AMPD3: variants seen among roughly 807,000 people sequenced by gnomAD.
The protein encoded by AMPD3 is adenosine monophosphate deaminase 3.
In AMPD3, 57 loss-of-function variants were observed where a neutral mutation model predicts 82.3. That is an observed-to-expected ratio of 0.69 (90% CI 0.56 to 0.86). The LOEUF (loss-of-function observed/expected upper bound fraction) is 0.86. Ranked by LOEUF, AMPD3 falls within the 40% of genes least tolerant of loss-of-function variation. The pLI is 0.00. For missense variants in AMPD3, 870 were observed against 1,003.8 expected (o/e 0.87, Z 1.80); for synonymous variants, 381 against 394.7 (o/e 0.97, Z 0.41).
In AMPD3 at chr11:10,496,890, C is replaced by T. The variant is rs1479529261; in HGVS notation, c.1509C>T (p.Ala503=). 1 of 1,614,106 alleles carries T rather than the reference C, an allele frequency of 6.2e-7. No homozygotes were observed. The highest frequency in any genetic ancestry group is 1.1e-5 in the South Asian group (1 of 91,082). ...LENIFLPLFK[A]TINPQDHREL... is the part of the protein sequence containing the mutation. ...ACATCTTCCTGCCCCTTTTCAAGGC[C>T]ACTATCAACCCCCAAGATCATCGAG... The change falls in exon 10 of 15, where the codon GCC becomes GCT. Residue 503 remains alanine, a synonymous_variant. Coordinates refer to ENST00000396553, the MANE Select transcript of AMPD3 (RefSeq NM_001025389.2).
At position 10,495,603 on chromosome 11, in the gene AMPD3, C is replaced by G. The variant is rs765301994; in HGVS notation, c.1300C>G (p.Gln434Glu). Residue 434 changes from glutamine (Q) to glutamate (E), a missense_variant, in exon 9 of 15, where the codon CAG becomes GAG. Coordinates refer to ENST00000396553, the MANE Select transcript of AMPD3 (RefSeq NM_001025389.2). Reference protein sequence around the residue: ...VARELEESKYQYSEPRLSIYG... With the variant: ...VARELEESKYEYSEPRLSIYG... ...CCGGGAGCTGGAGGAGAGCAAGTAC[C>G]AGTACTCAGAGCCACGGCTCTCCAT... 6.2e-7 allele frequency: 1 copy of G among 1,613,474 alleles called. No homozygotes were observed. The highest frequency in any genetic ancestry group is 1.3e-5 in the African/African-American group (1 of 75,012).
intron 2 of AMPD3, chr11:10,477,929 C>T (rs952381311): frequency 1.3e-5 from 13 of 985,274 alleles, no homozygotes; most frequent in African/African-American, 3.5e-5. Context: ...GGATGGCGGT[C>T]GCTAGTCCAC....
At chr11:10,501,171 A>G (rs1405400946) in intron 11 of AMPD3, 1 of 985,308 alleles carries the variant, frequency 1.0e-6, no homozygotes, top group African/African-American at 1.7e-5. Context: ...CTGGAGTTCT[A>G]CGAATGCGGG....
intron 1 of AMPD3, 126 bp from the exon 2 acceptor site, chr11:10,461,389 G>A: frequency 6.3e-7 from 1 of 1,599,226 alleles, no homozygotes; most frequent in South Asian, 1.1e-5. Context: ...TTTGGTCTGG[G>A]GCATTCCTAA....
At position 10,456,197 on chromosome 11, in the gene AMPD3, A is replaced by T; in HGVS notation, c.-6+749A>T. The T allele has an allele frequency of 1.4e-6, 2 of 1,425,834 alleles. No individual in the cohort carries two copies. Among genetic ancestry groups the T allele is most frequent in the Non-Finnish European group, 9.2e-7 (1 of 1,091,452 alleles). The allele number at this position is 1,425,834 out of a possible 1,614,324, so 88.3% of individuals were successfully genotyped here. ...CACTCATATTTCATATTCACGAGAG[A>T]ATTTCCAGCCCAGGCTTTTCCTGCT... On this transcript the variant is annotated intron_variant, in intron 1 of 14. Transcript: ENST00000396553. The surrounding 1 kb of genome is among the most constrained non-coding windows in gnomAD (Gnocchi z 4.3).
chr11:10,456,288 C>T lies in AMPD3; in HGVS notation c.-6+840C>T. 1 of 1,591,520 alleles carries T rather than the reference C, an allele frequency of 6.3e-7. No individual in the cohort carries two copies. Among genetic ancestry groups the T allele is most frequent in the Non-Finnish European group, 8.6e-7 (1 of 1,165,914 alleles). On this transcript the variant is annotated intron_variant, in intron 1 of 14. Transcript: ENST00000396553. The surrounding 1 kb of genome is among the most constrained non-coding windows in gnomAD (Gnocchi z 4.3). ...CCTACTCCAGCCGGCAGACAGGACCCAGCCAGCTGCACGCACGCACTGACT... is the reference window on the plus strand; with the variant it reads ...CCTACTCCAGCCGGCAGACAGGACCTAGCCAGCTGCACGCACGCACTGACT...
Position 10,461,503 on chromosome 11 carries a change from T to C in AMPD3, c.-5-12T>C, listed in dbSNP as rs527260375. ...GGCATCCTGCAATTCATGCTTGTTC[T>C]TTCTTTGCTAGCTGAGATGCCGCGG... On this transcript the variant is annotated splice_polypyrimidine_tract_variant and intron_variant, in intron 1 of 14. Transcript: ENST00000396553. 1 of 1,614,214 alleles carries C rather than the reference T, an allele frequency of 6.2e-7. No homozygotes were observed. Among genetic ancestry groups the C allele is most frequent in the East Asian group, 2.2e-5 (1 of 44,884 alleles).
At chr11:10,455,927 G>A (rs1488512349) in intron 1 of AMPD3, 8 of 985,294 alleles carry the variant, frequency 8.1e-6, no homozygotes, top group South Asian at 4.7e-5. Flanking sequence ...AAGCAGCAAA[G>A]GTGATGATAT....
In AMPD3 at chr11:10,484,741, G is replaced by T. The variant is rs187749266; in HGVS notation, c.590-79G>T. 100 of 1,539,546 alleles carry T rather than the reference G, an allele frequency of 6.5e-5. No individual in the cohort carries two copies. The East Asian group carries it at 2.2e-3, about 35-fold the overall frequency. On this transcript the variant is annotated intron_variant, in intron 4 of 14. Coordinates refer to ENST00000396553, the MANE Select transcript of AMPD3 (RefSeq NM_001025389.2). ...TTGGATTTTGGGCAGGAAGGCCAGC[G>T]CAGGCCTCCGTGTCTTTTGAGCCCA... is the stretch of plus-strand genomic sequence containing the variant.
intron 2 of AMPD3, among the ~76,000 whole-genome samples, chr11:10,473,051 C>G (rs1263554552): frequency 6.6e-6 from 1 of 152,130 alleles, no homozygotes; most frequent in African/African-American, 2.4e-5. Flanking sequence ...GGGTGGATCA[C>G]TTGAGGCCAG....
At chr11:10,452,806 C>A (rs989100844), upstream of AMPD3, among the ~76,000 whole-genome samples, 6 of 152,178 alleles carry the variant, frequency 3.9e-5, no homozygotes, top group Admixed American at 2.6e-4. Context: ...ATTGTCATGG[C>A]AACCTATGAG....
intron 6 of AMPD3, among the ~76,000 whole-genome samples, chr11:10,488,035 G>C (rs1849127050): frequency 6.6e-6 from 1 of 152,114 alleles, no homozygotes; most frequent in Non-Finnish European, 1.5e-5. Context: ...TCTCTCTGGA[G>C]ATGGGAGTTT....
At position 10,485,031 on chromosome 11, in the gene AMPD3, T is replaced by A; in HGVS notation, c.801T>A (p.Asp267Glu). ...GCCACATCCTGGCTCTCATCACCGA[T>A]GGCCCCACGTAAGCTAGCTTCTCCG... ...DMSHILALIT[D>E]GPTKTYCHRR... Residue 267 changes from aspartate (D) to glutamate (E), a missense_variant, in exon 5 of 15, where the codon GAT (aspartate) becomes GAA (glutamate). Transcript: ENST00000396553. 1 of 1,613,284 alleles carries A rather than the reference T, an allele frequency of 6.2e-7. No homozygotes were observed. Among genetic ancestry groups the A allele is most frequent in the Non-Finnish European group, 8.5e-7 (1 of 1,179,858 alleles).
Position 10,495,039 on chromosome 11 carries a change from A to G in AMPD3, c.1266+9A>G. Reference sequence around the variant, plus strand: ...TTGCTCGGATGGTCAAGGTGAGTGAACCCTCAGTCTCTCTGAGGCCTCTCA... The same window carrying G: ...TTGCTCGGATGGTCAAGGTGAGTGAGCCCTCAGTCTCTCTGAGGCCTCTCA... On this transcript the variant is annotated intron_variant, in intron 8 of 14. Transcript: ENST00000396553. The G allele has an allele frequency of 6.2e-7, 1 of 1,614,024 alleles. No homozygotes were observed. The highest frequency in any genetic ancestry group is 8.5e-7 in the Non-Finnish European group (1 of 1,179,950).
At position 10,497,769 on chromosome 11, in the gene AMPD3, A is replaced by T. The variant is rs11042856; in HGVS notation, c.1557+831A>T. On this transcript the variant is annotated intron_variant, in intron 10 of 14. Transcript: ENST00000396553. The stretch of plus-strand genomic sequence containing the variant: ...AGTCAGGGGCCTGCCTGGAGACAGG[A>T]GGGGAGCTTGACCCAGCGGAAATAG... 1.2e-5 allele frequency: 12 copies of T among 984,870 alleles called. No individual in the cohort carries two copies. In the South Asian group the frequency reaches 1.4e-4, roughly 12 times the overall value. The allele number at this position is 984,870 out of a possible 1,614,324, so 61.0% of individuals were successfully genotyped here.
At chr11:10,494,766 T>G in intron 7 of AMPD3, 133 bp from the exon 8 acceptor site, 1 of 1,568,036 alleles carries the variant, frequency 6.4e-7, no homozygotes, top group Non-Finnish European at 8.7e-7. Context: ...TTTCTAAGGT[T>G]TCATGCAAGA....
In AMPD3 at chr11:10,495,022, A is replaced by G. The variant is rs184691110; in HGVS notation, c.1258A>G (p.Met420Val). 12 of 1,614,172 alleles carry G rather than the reference A, an allele frequency of 7.4e-6. No homozygotes were observed. The African/African-American group carries it at 1.3e-4, about 18-fold the overall frequency. Residue 420 changes from methionine to valine, a missense_variant, in exon 8 of 15, where the codon ATG (methionine) becomes GTG (valine). Coordinates refer to ENST00000396553, the MANE Select transcript of AMPD3 (RefSeq NM_001025389.2). ...TCTGGGAGGAGAGTACTTTGCTCGG[A>G]TGGTCAAGGTGAGTGAACCCTCAGT... ...NYLGGEYFARMVKEVARELEE... is the reference protein window; with the variant it reads ...NYLGGEYFARVVKEVARELEE...
intron 4 of AMPD3, among the ~76,000 whole-genome samples, chr11:10,483,885 C>A (rs1188120559): frequency 1.3e-5 from 2 of 152,262 alleles, no homozygotes; most frequent in Non-Finnish European, 2.9e-5. Context: ...GGCAGCTGGA[C>A]AGCTGATCCT....
At chr11:10,463,221 A>G (rs1242990851) in intron 2 of AMPD3, among the ~76,000 whole-genome samples, 4 of 151,652 alleles carry the variant, frequency 2.6e-5, no homozygotes, top group Non-Finnish European at 5.9e-5. Flanking sequence ...AGAAGCTCGC[A>G]TTTTCTTAAC....
Sources: gnomAD v4.1 joint callset for allele counts (sites outside exome capture counted in the v4.1 genomes callset) on GRCh38, gnomAD v4.1.1 for gene constraint, Gnocchi (gnomAD v3.1) non-coding constraint, MANE v1.5 for transcripts, NCBI Gene and HGNC (gene_info 2026-07-23, HGNC 2026-07-21) for gene names.